Variants in PDE5A observed in about 807,000 individuals in gnomAD.
PDE5A encodes cGMP-specific 3',5'-cyclic phosphodiesterase.
A neutral mutation model predicts 110.2 loss-of-function variants in PDE5A; 67 were observed. That is an observed-to-expected ratio of 0.61 (90% CI 0.50 to 0.75). The LOEUF is 0.75. Among genes scored for constraint, PDE5A ranks in the 30% least tolerant of loss-of-function variants. PDE5A has a pLI of 0.00. For missense variants in PDE5A, 862 were observed against 1,045.1 expected (o/e 0.82, Z 2.42); for synonymous variants, 328 against 351.2 (o/e 0.93, Z 0.74).
chr4:119,616,182 T>C (rs961936622), intron 1 of PDE5A, among the ~76,000 whole-genome samples: 32 of 152,298 alleles, frequency 2.1e-4, no homozygotes, highest in African/African-American at 7.0e-4. Flanking sequence ...AAAATCACCG[T>C]TGGAAGTTAT....
chr4:119,513,294 AGG>A (rs1205578893), intron 14 of PDE5A, among the ~76,000 whole-genome samples: 2 of 152,134 alleles, frequency 1.3e-5, no homozygotes, highest in African/African-American at 4.8e-5. Flanking sequence ...ACCTTGGACC[AGG>A]GGGGTACAAA....
chr4:119,501,133 C>A lies in PDE5A; in HGVS notation c.2490+37G>T, dbSNP rs371633527. The A allele has an allele frequency of 6.3e-6, 8 of 1,271,028 alleles. No individual in the cohort carries two copies. The African/African-American group carries it at 1.2e-4, about 19-fold the overall frequency. The allele number at this position is 1,271,028 out of a possible 1,614,324, so 78.7% of individuals were successfully genotyped here. A position where few individuals can be genotyped will look rare whatever the true frequency, so the allele number is the denominator to read the frequency against. On this transcript the variant is annotated intron_variant, in intron 20 of 20. Transcript: ENST00000354960. ...ATTTTAGGTTCTAATTCACAACAGT[C>A]CAAGTTTAGCAAGTCTAGTAGTTTT...
At chr4:119,597,032 A>G (rs1357396912) in intron 2 of PDE5A, among the ~76,000 whole-genome samples, 1 of 152,116 alleles carries the variant, frequency 6.6e-6, no homozygotes, top group East Asian at 1.9e-4. Context: ...GCTCTTTTAC[A>G]GTTCTTCAGT....
Position 119,498,585 on chromosome 4 carries a change from G to C in PDE5A, c.*16C>G, listed in dbSNP as rs781069474. 2 of 1,613,650 alleles carry C rather than the reference G, an allele frequency of 1.2e-6. No individual in the cohort carries two copies. Among genetic ancestry groups the C allele is most frequent in the Non-Finnish European group, 1.7e-6 (2 of 1,179,728 alleles). ...CACCATCTCTGTAAACTTCAACTCT[G>C]CATGAAATAGGCCACTCAGTTCCGC... On this transcript the variant is annotated 3_prime_UTR_variant, in exon 21 of 21. Coordinates refer to ENST00000354960, the MANE Select transcript of PDE5A (RefSeq NM_001083.4).
At chr4:119,550,255 T>A (rs1199260692) in intron 9 of PDE5A, 2 of 152,184 alleles carry the variant, frequency 1.3e-5, no homozygotes, top group African/African-American at 2.4e-5. Flanking sequence ...TACAAAGAAT[T>A]TTTCTCTCCA....
chr4:119,525,610 A>G lies in PDE5A; in HGVS notation c.1718T>C (p.Leu573Pro), dbSNP rs1411067625. The G allele has an allele frequency of 5.0e-6, 8 of 1,613,326 alleles. No homozygotes were observed. The highest frequency in any genetic ancestry group is 6.8e-6 in the Non-Finnish European group (8 of 1,179,462). ...DFELSDLETA[L>P]CTIRMFTDLN... ...GTCAGTAAACATCCGAATTGTACAC[A>G]GTGCTGTTTCCAGATCAGACAGCTC... is the stretch of plus-strand genomic sequence containing the variant. Residue 573 changes from leucine to proline, a missense_variant, in exon 12 of 21, where the codon CTG (leucine) becomes CCG (proline). By Grantham distance (98) the Leu-to-Pro change is moderately conservative. Transcript: ENST00000354960. This position sits in a 1 kb window ranked among gnomAD's most constrained non-coding sequence, Gnocchi z 4.3.
chr4:119,582,310 C>T (rs1190503384), intron 3 of PDE5A, among the ~76,000 whole-genome samples: 1 of 152,196 alleles, frequency 6.6e-6, no homozygotes, highest in African/African-American at 2.4e-5. Context: ...TAAGAAGCAA[C>T]AGTTCATCTG....
At chr4:119,506,054 T>C in intron 16 of PDE5A, 122 bp from the exon 17 acceptor site, 2 of 474,906 alleles carry the variant, frequency 4.2e-6, no homozygotes, top group South Asian at 9.2e-5. Context: ...TTTCCCATCT[T>C]AGAGCCCACT....
At chr4:119,528,415 T>G (rs1455311227) in intron 11 of PDE5A, among the ~76,000 whole-genome samples, 1 of 149,394 alleles carries the variant, frequency 6.7e-6, no homozygotes, top group African/African-American at 2.4e-5. Flanking sequence ...TTAAAACTAA[T>G]TGTTCTAAAT....
intron 1 of PDE5A, among the ~76,000 whole-genome samples, chr4:119,620,060 G>A (rs539392343): frequency 3.9e-5 from 6 of 152,310 alleles, no homozygotes; most frequent in African/African-American, 1.4e-4. Context: ...GTTCAGGGAT[G>A]TTAAATGTCC....
At chr4:119,588,432 C>T (rs567589766) in intron 3 of PDE5A, among the ~76,000 whole-genome samples, 33 of 151,790 alleles carry the variant, frequency 2.2e-4, no homozygotes, top group African/African-American at 8.0e-4. Context: ...CCCCCTTAGC[C>T]TCCCAAAGTG....
At chr4:119,558,196 A>G (rs1727611695) in intron 7 of PDE5A, among the ~76,000 whole-genome samples, 1 of 151,960 alleles carries the variant, frequency 6.6e-6, no homozygotes, top group Non-Finnish European at 1.5e-5. Context: ...GGGCAACTCA[A>G]CTCCCAAGAG....
chr4:119,520,510 G>T (rs1375122038), intron 13 of PDE5A, among the ~76,000 whole-genome samples: 1 of 152,080 alleles, frequency 6.6e-6, no homozygotes, highest in African/African-American at 2.4e-5. Flanking sequence ...GAGAAAATGC[G>T]ATACAGACCC....
Position 119,505,951 on chromosome 4 carries a change from A to C in PDE5A, c.2190-19T>G. Reference sequence around the variant, plus strand: ...TCGCCTCCTACAATGTTTAAAAAAAAATTGTTAGTTATAATGAGTACCCAG... The same window carrying C: ...TCGCCTCCTACAATGTTTAAAAAAACATTGTTAGTTATAATGAGTACCCAG... On this transcript the variant is annotated intron_variant, in intron 16 of 20. Coordinates refer to ENST00000354960, the MANE Select transcript of PDE5A (RefSeq NM_001083.4). 2 of 1,453,642 alleles carry C rather than the reference A, an allele frequency of 1.4e-6. No homozygotes were observed. The highest frequency in any genetic ancestry group is 9.4e-7 in the Non-Finnish European group (1 of 1,061,186). 90.0% of individuals were successfully genotyped at this position (1,453,642 alleles called of 1,614,324 possible).
Position 119,577,172 on chromosome 4 carries a change from C to T in PDE5A, c.832-10028G>A, listed in dbSNP as rs147887328. Among the ~76,000 whole-genome samples the T allele has an allele frequency of 4.5e-3, 682 of 150,014 alleles. 3 individuals are homozygous for T. Among genetic ancestry groups the T allele is most frequent in the South Asian group, 0.025 (116 of 4,670 alleles). On this transcript the variant is annotated intron_variant, in intron 3 of 20. Transcript: ENST00000354960. ...AATCTCTGAATAGACCAATAATAGG[C>T]TCTGAAATTGAGCAATAATTAATAG... is the stretch of plus-strand genomic sequence containing the variant.
Position 119,565,350 on chromosome 4 carries a change from T to C in PDE5A, c.964A>G (p.Thr322Ala). Residue 322 changes from threonine (T) to alanine (A), a missense_variant, in exon 5 of 21, where the codon ACT (threonine) becomes GCT (alanine). By Grantham distance (58) the Thr-to-Ala change is moderately conservative. Coordinates refer to ENST00000354960, the MANE Select transcript of PDE5A (RefSeq NM_001083.4). ...IVLHNAQLYETSLLENKRNQV... is the reference protein window; with the variant it reads ...IVLHNAQLYEASLLENKRNQV... Reference sequence around the variant, plus strand: ...TTTCTCTTGTTCTCCAGCAGTGAAGTCTCATAGAGCTGAGCATTATGAAGA... The same window carrying C: ...TTTCTCTTGTTCTCCAGCAGTGAAGCCTCATAGAGCTGAGCATTATGAAGA... 6.2e-7 allele frequency: 1 copy of C among 1,612,158 alleles called. No homozygotes were observed. Among genetic ancestry groups the C allele is most frequent in the East Asian group, 2.2e-5 (1 of 44,754 alleles).
chr4:119,544,396 G>A (rs879726228), intron 9 of PDE5A, among the ~76,000 whole-genome samples: 2 of 152,108 alleles, frequency 1.3e-5, no homozygotes, highest in Non-Finnish European at 2.9e-5. Context: ...TATACTAAAT[G>A]GCAATCAGCG....
chr4:119,540,883 A>G (rs144587973), intron 10 of PDE5A, among the ~76,000 whole-genome samples: 395 of 152,298 alleles, frequency 2.6e-3, no homozygotes, highest in Middle Eastern at 6.8e-3. Context: ...GATCATAGAA[A>G]TGACTACACA....
intron 7 of PDE5A, among the ~76,000 whole-genome samples, chr4:119,554,745 C>A (rs554976533): frequency 6.6e-6 from 1 of 151,648 alleles, no homozygotes; most frequent in Non-Finnish European, 1.5e-5. Context: ...AGAAAAAAAA[C>A]AAAAATAAAA....
Sources: allele counts gnomAD v4.1 joint callset (sites outside exome capture counted in the v4.1 genomes callset), GRCh38; gene constraint gnomAD v4.1.1; non-coding constraint Gnocchi (gnomAD v3.1); transcripts MANE v1.5; gene names NCBI Gene and HGNC (gene_info 2026-07-23, HGNC 2026-07-21).